Variants in TBX18 observed in about 807,000 individuals in gnomAD.
The protein encoded by TBX18 is T-box transcription factor 18.
A neutral mutation model predicts 55.0 loss-of-function variants in TBX18; 21 were observed. The ratio of observed to expected loss-of-function variants is 0.38; its 90% CI spans 0.27 to 0.55. The LOEUF (loss-of-function observed/expected upper bound fraction) is 0.55, where lower values mean the gene tolerates loss of function less well. Among genes scored for constraint, TBX18 ranks in the 20% least tolerant of loss-of-function variants. TBX18 has a pLI of 0.73. For synonymous variants in TBX18, 342 were observed against 326.1 expected (o/e 1.05, Z -0.53); for missense variants, 840 against 799.6 (o/e 1.05, Z -0.61).
At chr6:84,745,619 C>A (rs1031177088) in intron 5 of TBX18, among the ~76,000 whole-genome samples, 2 of 152,036 alleles carry the variant, frequency 1.3e-5, no homozygotes, top group Admixed American at 1.3e-4. Flanking sequence ...ATCATGTCTG[C>A]CACTCTGTCA....
Position 84,736,710 on chromosome 6 carries a change from G to C in TBX18, c.1799C>G (p.Ser600Cys). 6 of 1,583,956 alleles carry C rather than the reference G, an allele frequency of 3.8e-6. No individual in the cohort carries two copies. The highest frequency in any genetic ancestry group is 5.1e-6 in the Non-Finnish European group (6 of 1,168,408). Residue 600 changes from serine (S) to cysteine (C), a missense_variant, in exon 8 of 8, where the codon TCT becomes TGT. By Grantham distance (112) the Ser-to-Cys change is moderately radical. Coordinates refer to ENST00000369663, the MANE Select transcript of TBX18 (RefSeq NM_001080508.3). ...RTLGSLTLSS[S>C]QVSAHMV ...TCAGACCATATGTGCAGATACTTGA[G>C]ATGATGACAGAGTTAAGCTTCCTAG...
intron 2 of TBX18, among the ~76,000 whole-genome samples, chr6:84,761,069 A>G (rs1317585145): frequency 2.6e-5 from 4 of 152,230 alleles, no homozygotes; most frequent in African/African-American, 9.6e-5. Flanking sequence ...TGGCTTCCCA[A>G]AGATGCATAT....
At chr6:84,763,722 T>G (rs1351580531) in intron 1 of TBX18, among the ~76,000 whole-genome samples, 168 bp downstream of exon 1, 1 of 152,122 alleles carries the variant, frequency 6.6e-6, no homozygotes, top group African/African-American at 2.4e-5. Flanking sequence ...CTGAACCGTC[T>G]GGAGGGTGAC....
At chr6:84,753,278 T>G (rs1242749481) in intron 4 of TBX18, among the ~76,000 whole-genome samples, 1 of 152,202 alleles carries the variant, frequency 6.6e-6, no homozygotes, top group Non-Finnish European at 1.5e-5. Context: ...CATCATCTCA[T>G]GTCTCATGTG....
chr6:84,756,419 T>G (rs1767487709), intron 4 of TBX18, among the ~76,000 whole-genome samples: 1 of 152,202 alleles, frequency 6.6e-6, no homozygotes, highest in Non-Finnish European at 1.5e-5. Context: ...CCTCAAGAGA[T>G]TTCACACAAA....
intron 4 of TBX18, among the ~76,000 whole-genome samples, chr6:84,752,153 A>AT (rs1767366113): frequency 6.6e-6 from 1 of 151,710 alleles, no homozygotes; most frequent in Non-Finnish European, 1.5e-5. Flanking sequence ...GCTAATACAC[A>AT]TTTTTCTACT....
At chr6:84,750,692 G>A (rs949084725) in intron 4 of TBX18, among the ~76,000 whole-genome samples, 1 of 152,040 alleles carries the variant, frequency 6.6e-6, no homozygotes, top group Admixed American at 6.6e-5. Flanking sequence ...TTATAAATTC[G>A]TATTTTTTGG....
chr6:84,760,054 C>T (rs888611623), intron 3 of TBX18, among the ~76,000 whole-genome samples: 1 of 152,102 alleles, frequency 6.6e-6, no homozygotes, highest in Non-Finnish European at 1.5e-5. Context: ...CTATTAAAAA[C>T]AAAACAAAAA....
At position 84,746,795 on chromosome 6, in the gene TBX18, T is replaced by C. The variant is rs183055072; in HGVS notation, c.939+1125A>G. Among the ~76,000 whole-genome samples the C allele has an allele frequency of 3.4e-3, 516 of 150,592 alleles. 8 individuals are homozygous for C. The highest frequency in any genetic ancestry group is 0.03 in the Admixed American group (449 of 15,018). On this transcript the variant is annotated intron_variant, in intron 5 of 7. Coordinates refer to ENST00000369663, the MANE Select transcript of TBX18 (RefSeq NM_001080508.3). Reference sequence around the variant, plus strand: ...GGTCCTATTATTATTAGCATGGTCCTATATTATATCTATTAGCATAGATAA... The same window carrying C: ...GGTCCTATTATTATTAGCATGGTCCCATATTATATCTATTAGCATAGATAA...
Position 84,733,394 on chromosome 6 carries a change from G to A in TBX18, c.*3291C>T, listed in dbSNP as rs1773855232. ...TAATACAATTAGTTCTTAAGGGAAA[G>A]CTTAGAAAAAACTTCATGTAGATGA... On this transcript the variant is annotated 3_prime_UTR_variant, in exon 8 of 8. Coordinates refer to ENST00000369663, the MANE Select transcript of TBX18 (RefSeq NM_001080508.3). 1 of 152,138 alleles carries A rather than the reference G, an allele frequency of 6.6e-6. No individual in the cohort carries two copies. Among genetic ancestry groups the A allele is most frequent in the African/African-American group, 2.4e-5 (1 of 41,410 alleles). 9.4% of individuals were successfully genotyped at this position (152,138 alleles called of 1,614,324 possible).
At position 84,763,877 on chromosome 6, in the gene TBX18, G is replaced by A. The variant is rs1287900752; in HGVS notation, c.292+13C>T. On this transcript the variant is annotated intron_variant, in intron 1 of 7. Coordinates refer to ENST00000369663, the MANE Select transcript of TBX18 (RefSeq NM_001080508.3). Reference sequence around the variant, plus strand: ...GCCGGAGAGAAGTTATAGGCAGGAAGGGGCCCACTCACCCGCGGCTCCGCG... The same window carrying A: ...GCCGGAGAGAAGTTATAGGCAGGAAAGGGCCCACTCACCCGCGGCTCCGCG... 6.7e-6 allele frequency: 10 copies of A among 1,488,708 alleles called. No individual in the cohort carries two copies. The East Asian group carries it at 2.3e-4, about 34-fold the overall frequency. 92.2% of individuals were successfully genotyped at this position (1,488,708 alleles called of 1,614,324 possible).
intron 6 of TBX18, among the ~76,000 whole-genome samples, chr6:84,739,911 ATTGAT>A (rs1374844554): frequency 6.6e-6 from 1 of 152,206 alleles, no homozygotes; most frequent in African/African-American, 2.4e-5. Flanking sequence ...GTCTCTGTTA[ATTGAT>A]TTCTGTACTC....
intron 4 of TBX18, among the ~76,000 whole-genome samples, chr6:84,749,411 A>G (rs1349468289): frequency 1.3e-5 from 2 of 152,274 alleles, no homozygotes; most frequent in East Asian, 1.9e-4. Context: ...AGATTGTCCT[A>G]CATCTGGAAA....
intron 2 of TBX18, 55 bp downstream of exon 2, chr6:84,762,489 G>A (rs1431849109): frequency 7.5e-6 from 12 of 1,591,620 alleles, no homozygotes; most frequent in Non-Finnish European, 9.5e-6. Context: ...AGCTAGAGGT[G>A]AGTGAAGACA....
At chr6:84,750,365 T>C (rs1233416491) in intron 4 of TBX18, among the ~76,000 whole-genome samples, 1 of 151,606 alleles carries the variant, frequency 6.6e-6, no homozygotes, top group African/African-American at 2.4e-5. Context: ...TTGAAAGATA[T>C]CTTGCAGACA....
chr6:84,739,302 TAATG>T (rs1766980307), intron 6 of TBX18, among the ~76,000 whole-genome samples: 1 of 151,982 alleles, frequency 6.6e-6, no homozygotes, highest in Non-Finnish European at 1.5e-5. Context: ...GAAATACACT[TAATG>T]AATGGATACT....
In TBX18 at chr6:84,764,296, G is replaced by T; in HGVS notation, c.-115C>A. ...AGGCTCTCGGGGCCTCCCGAGATCT[G>T]CCCCCTTCCCCACCGCGGGCAAAAA... On this transcript the variant is annotated 5_prime_UTR_variant, in exon 1 of 8. Coordinates refer to ENST00000369663, the MANE Select transcript of TBX18 (RefSeq NM_001080508.3). 1 of 1,288,130 alleles carries T rather than the reference G, an allele frequency of 7.8e-7. No individual in the cohort carries two copies. Among genetic ancestry groups the T allele is most frequent in the Non-Finnish European group, 1.0e-6 (1 of 1,001,164 alleles). The allele number at this position is 1,288,130 out of a possible 1,614,324, so 79.8% of individuals were successfully genotyped here.
chr6:84,737,476 T>C, intron 7 of TBX18, 67 bp from the exon 8 acceptor site: 1 of 1,470,182 alleles, frequency 6.8e-7, no homozygotes, highest in Non-Finnish European at 9.0e-7. Flanking sequence ...TTTGTAAATA[T>C]GAGCTAGACA....
At chr6:84,737,547 G>T in intron 7 of TBX18, 138 bp from the exon 8 acceptor site, 2 of 945,448 alleles carry the variant, frequency 2.1e-6, no homozygotes, top group South Asian at 3.6e-5. Context: ...GATGGTCTCA[G>T]CTTTCAAGGA....
Sources: gnomAD v4.1 joint callset for allele counts (sites outside exome capture counted in the v4.1 genomes callset) on GRCh38, gnomAD v4.1.1 for gene constraint, MANE v1.5 for transcripts, NCBI Gene and HGNC (gene_info 2026-07-23, HGNC 2026-07-21) for gene names.